The following LRP2 variants were observed in gnomAD, a reference collection of about 807,000 sequenced individuals.
LRP2 encodes LDL receptor related protein 2, also known as low-density lipoprotein receptor-related protein 2.
LRP2 carries 172 observed loss-of-function variants against 531.0 expected under a neutral mutation model. The observed-to-expected ratio is 0.32, with a 90% CI of 0.29 to 0.37. The LOEUF (loss-of-function observed/expected upper bound fraction) is 0.37. Among genes scored for constraint, LRP2 ranks in the 10% least tolerant of loss-of-function variants. The pLI is 1.00. For missense variants in LRP2, 5,167 were observed against 5,868.3 expected, an observed-to-expected ratio of 0.88 and a Z score of 3.90; for synonymous variants, 1,992 against 2,027.6, an observed-to-expected ratio of 0.98 and a Z score of 0.47.
intron 1 of LRP2, among the ~76,000 whole-genome samples, chr2:169,360,709 T>C (rs939839934): frequency 6.6e-6 from 1 of 152,164 alleles, no homozygotes; most frequent in African/African-American, 2.4e-5. Context: ...TTACCAACAC[T>C]GAGAAAGGGT....
chr2:169,320,063 G>A (rs553692186), intron 2 of LRP2, among the ~76,000 whole-genome samples: 2 of 152,136 alleles, frequency 1.3e-5, no homozygotes, highest in South Asian at 2.1e-4. Context: ...ATCACCTATG[G>A]GAAGTTGGGA....
intron 10 of LRP2, among the ~76,000 whole-genome samples, chr2:169,281,969 T>G (rs921222042): frequency 6.6e-6 from 1 of 152,022 alleles, no homozygotes; most frequent in African/African-American, 2.4e-5. Flanking sequence ...AAAGAGAAGG[T>G]GAAAACCATG....
chr2:169,247,025 T>C, intron 20 of LRP2, 39 bp from the exon 21 acceptor site: 1 of 1,609,354 alleles, frequency 6.2e-7, no homozygotes, highest in East Asian at 2.2e-5. Context: ...GTCATGTACA[T>C]TTTCACTAGG....
At chr2:169,139,746 C>A in intron 72 of LRP2, 136 bp from the exon 73 acceptor site, 1 of 799,606 alleles carries the variant, frequency 1.3e-6, no homozygotes, top group South Asian at 1.4e-5. Flanking sequence ...TCCTGCATGA[C>A]TTTTGTTCAT....
chr2:169,258,467 C>T (rs1690404976), intron 17 of LRP2, among the ~76,000 whole-genome samples: 1 of 151,948 alleles, frequency 6.6e-6, no homozygotes, highest in South Asian at 2.1e-4. Flanking sequence ...CAGATTTGTT[C>T]TAAATAAACA....
chr2:169,286,975 T>TGA (rs1683875825), intron 9 of LRP2, among the ~76,000 whole-genome samples: 1 of 151,798 alleles, frequency 6.6e-6, no homozygotes, highest in Non-Finnish European at 1.5e-5. Flanking sequence ...TGGGTAGCAG[T>TGA]GAGGGGGGAA....
intron 61 of LRP2, among the ~76,000 whole-genome samples, chr2:169,167,463 A>G (rs1686826109): frequency 6.6e-6 from 1 of 152,218 alleles, no homozygotes; most frequent in Non-Finnish European, 1.5e-5. Context: ...TTACTTACAC[A>G]AAATCCTGAC....
At chr2:169,325,032 A>G (rs1401495021) in intron 1 of LRP2, among the ~76,000 whole-genome samples, 2 of 151,972 alleles carry the variant, frequency 1.3e-5, no homozygotes, top group Non-Finnish European at 2.9e-5. Flanking sequence ...ATAATCTGAA[A>G]AAAGGGGAAT....
chr2:169,286,840 A>C (rs907869703), intron 9 of LRP2, among the ~76,000 whole-genome samples: 9 of 152,200 alleles, frequency 5.9e-5, no homozygotes, highest in African/African-American at 2.2e-4. Context: ...TGATAAAGGA[A>C]AAAGAGAGAA....
intron 3 of LRP2, among the ~76,000 whole-genome samples, chr2:169,315,032 A>C (rs935000326): frequency 3.3e-5 from 5 of 152,196 alleles, no homozygotes; most frequent in Admixed American, 6.5e-5. Flanking sequence ...AAGCCCAAAT[A>C]ATTCTAAATG....
rs1282976057 is a variant in LRP2, at chr2:169,251,817, G to A, written c.2770+4289C>T. Among the ~76,000 whole-genome samples, 72 of 84,276 alleles carry A rather than the reference G, an allele frequency of 8.5e-4. 9 individuals carry two copies. Among genetic ancestry groups the A allele is most frequent in the East Asian group, 3.4e-3 (11 of 3,232 alleles). The allele number at this position is 84,276 out of a possible 152,430, so 55.3% of individuals were successfully genotyped here. On this transcript the variant is annotated intron_variant, in intron 19 of 78. Coordinates refer to ENST00000649046, the MANE Select transcript of LRP2 (RefSeq NM_004525.3). ...AAATGATAAAGGGGATATCACCACC[G>A]ATCCCACAGAAATACAAACTACCAT... is the stretch of plus-strand genomic sequence containing the variant.
chr2:169,258,192 T>C (rs1690393740), intron 17 of LRP2, among the ~76,000 whole-genome samples: 1 of 152,132 alleles, frequency 6.6e-6, no homozygotes, highest in Non-Finnish European at 1.5e-5. Context: ...CACACAGGCA[T>C]TCCAGTCAGA....
intron 28 of LRP2, 142 bp downstream of exon 28, chr2:169,236,961 G>T: frequency 1.4e-6 from 1 of 705,360 alleles, no homozygotes; most frequent in South Asian, 1.6e-5. Flanking sequence ...GCAACACCCA[G>T]TTGGACACCT....
chr2:169,196,856 G>A, intron 46 of LRP2, 55 bp downstream of exon 46: 1 of 1,611,550 alleles, frequency 6.2e-7, no homozygotes, highest in Non-Finnish European at 8.5e-7. Flanking sequence ...AGTTGGAAGA[G>A]ACTGAAGTTG....
At chr2:169,242,088 C>T (rs979903311) in intron 24 of LRP2, among the ~76,000 whole-genome samples, 1 of 152,160 alleles carries the variant, frequency 6.6e-6, no homozygotes, top group Non-Finnish European at 1.5e-5. Flanking sequence ...AGATGTTGTG[C>T]AAACTATAAA....
chr2:169,350,237 A>G (rs1166987244), intron 1 of LRP2, among the ~76,000 whole-genome samples: 1 of 152,216 alleles, frequency 6.6e-6, no homozygotes, highest in African/African-American at 2.4e-5. Context: ...CATGGAAAGC[A>G]AGTTTGGACA....
intron 1 of LRP2, among the ~76,000 whole-genome samples, chr2:169,338,770 G>A (rs924863783): frequency 6.6e-6 from 1 of 152,198 alleles, no homozygotes; most frequent in Non-Finnish European, 1.5e-5. Context: ...TAATATTACA[G>A]AAGGGCAAGG....
At chr2:169,360,351 CAATAAGT>C (rs1216988916) in intron 1 of LRP2, among the ~76,000 whole-genome samples, 27 of 151,982 alleles carry the variant, frequency 1.8e-4, no homozygotes, top group Non-Finnish European at 3.5e-4. Context: ...TTAATTGAGT[CAATAAGT>C]ATAAAGTGCT....
intron 70 of LRP2, among the ~76,000 whole-genome samples, chr2:169,143,370 C>T (rs910405710): frequency 2.0e-5 from 3 of 152,292 alleles, no homozygotes; most frequent in South Asian, 4.1e-4. Flanking sequence ...AGGCCAGGCG[C>T]GGTGGCTCAC....
Sources: gnomAD v4.1 joint callset for allele counts (sites outside exome capture counted in the v4.1 genomes callset) on GRCh38, gnomAD v4.1.1 for gene constraint, MANE v1.5 for transcripts, NCBI Gene and HGNC (gene_info 2026-07-23, HGNC 2026-07-21) for gene names.